Variants in LRRK1 observed in about 807,000 individuals in gnomAD.
LRRK1 encodes leucine rich repeat kinase 1, also known as leucine-rich repeat serine/threonine-protein kinase 1.
Under a neutral mutation model 209.1 loss-of-function variants are expected in LRRK1, and 113 were observed. The observed-to-expected ratio is 0.54, with a 90% CI of 0.46 to 0.63. The LOEUF (loss-of-function observed/expected upper bound fraction) is 0.63, where lower values mean the gene tolerates loss of function less well. LRRK1 is among the 30% of genes least tolerant of loss of function. LRRK1 has a pLI of 0.00. For missense variants in LRRK1, 2,284 were observed against 2,632.2 expected (o/e 0.87, Z 2.89); for synonymous variants, 1,144 against 1,099.7 (o/e 1.04, Z -0.80).
Position 101,074,815 on chromosome 15 carries a change from T to A in LRRK1, c.*5967T>A, listed in dbSNP as rs541120734. On this transcript the variant is annotated 3_prime_UTR_variant, in exon 34 of 34. Coordinates refer to ENST00000388948, the MANE Select transcript of LRRK1 (RefSeq NM_024652.6). The stretch of plus-strand genomic sequence containing the variant: ...TCCTCCCCCAGGAGCTTGCTACAAG[T>A]GCCAGAAATCTGGCCACCAGGCCAA... 2.0e-5 allele frequency: 3 copies of A among 152,206 alleles called. No individual in the cohort carries two copies. Among genetic ancestry groups the A allele is most frequent in the South Asian group, 4.1e-4 (2 of 4,822 alleles). 9.4% of individuals were successfully genotyped at this position (152,206 alleles called of 1,614,324 possible). A position where few individuals can be genotyped will look rare whatever the true frequency, so the allele number is the denominator to read the frequency against.
chr15:100,989,139 A>G, intron 5 of LRRK1, 111 bp from the exon 6 acceptor site: 1 of 961,552 alleles, frequency 1.0e-6, no homozygotes, highest in Non-Finnish European at 1.6e-6. Context: ...AGAGAAGTCC[A>G]ACATGCACAA....
chr15:101,003,698 C>T (rs1305963666), intron 6 of LRRK1, among the ~76,000 whole-genome samples: 1 of 152,208 alleles, frequency 6.6e-6, no homozygotes, highest in Non-Finnish European at 1.5e-5. Flanking sequence ...TTATCTTCCA[C>T]CAGGTGCCTC....
At chr15:100,942,057 T>G (rs971095805) in intron 2 of LRRK1, among the ~76,000 whole-genome samples, 10 of 152,208 alleles carry the variant, frequency 6.6e-5, no homozygotes, top group African/African-American at 2.4e-4. Context: ...TGTTGATATT[T>G]GTAATAATTT....
intron 6 of LRRK1, 63 bp from the exon 7 acceptor site, chr15:101,008,774 C>G: frequency 7.8e-7 from 1 of 1,288,362 alleles, no homozygotes; most frequent in East Asian, 2.3e-5. Flanking sequence ...TTGCTTTATT[C>G]CAAGCCCATG....
At chr15:100,960,078 C>T (rs1394059839) in intron 2 of LRRK1, among the ~76,000 whole-genome samples, 1 of 152,064 alleles carries the variant, frequency 6.6e-6, no homozygotes, top group South Asian at 2.1e-4. Flanking sequence ...AGAGAAATAA[C>T]TGGAAAATAG....
intron 10 of LRRK1, 126 bp from the exon 11 acceptor site, chr15:101,014,190 C>T: frequency 4.3e-6 from 3 of 693,510 alleles, no homozygotes; most frequent in Middle Eastern, 2.6e-4. Flanking sequence ...CTGGGATCTG[C>T]GTGAAGGAAA....
intron 2 of LRRK1, among the ~76,000 whole-genome samples, chr15:100,941,456 C>CTGTGTGTGTG (rs1567191180): frequency 0.31 from 1,697 of 5,552 alleles, 174 homozygotes; most frequent in African/African-American, 0.42. Flanking sequence ...CTGTGTGTGT[C>CTGTGTGTGTG]TATGTCTCTG....
At chr15:101,061,118 G>C in intron 29 of LRRK1, 53 bp from the exon 30 acceptor site, 1 of 1,376,466 alleles carries the variant, frequency 7.3e-7, no homozygotes, top group Non-Finnish European at 1.0e-6. Context: ...CTCAGGGAAA[G>C]GAGGCAGCCC....
At chr15:101,048,917 C>T (rs575738141) in intron 22 of LRRK1, among the ~76,000 whole-genome samples, 2 of 152,242 alleles carry the variant, frequency 1.3e-5, no homozygotes, top group South Asian at 2.1e-4. Flanking sequence ...ACTTGAGGGA[C>T]GTGGCGGCCA....
Position 101,061,334 on chromosome 15 carries a change from CT to C in LRRK1, c.4797+47del, listed in dbSNP as rs764735839. 171 of 1,354,670 alleles carry C rather than the reference CT, an allele frequency of 1.3e-4. 1 individual carries two copies. In the African/African-American group the frequency reaches 2.4e-3, roughly 19 times the overall value. 83.9% of individuals were successfully genotyped at this position (1,354,670 alleles called of 1,614,324 possible). A position where few individuals can be genotyped will look rare whatever the true frequency, so the allele number is the denominator to read the frequency against. On this transcript the variant is annotated intron_variant, in intron 30 of 33. Coordinates refer to ENST00000388948, the MANE Select transcript of LRRK1 (RefSeq NM_024652.6). ...TGCCCACCGAGGTAAGCACTGCCCA[CT>C]GGGTGCAGCCCTGGGTGGGGGCCAC...
At chr15:101,047,711 G>A (rs552608950) in intron 21 of LRRK1, among the ~76,000 whole-genome samples, 33 of 152,294 alleles carry the variant, frequency 2.2e-4, no homozygotes, top group Non-Finnish European at 3.5e-4. Context: ...GAGCGGCCCC[G>A]CGCACACTGG....
rs1374947913 is a variant in LRRK1 at position 101,075,965 on chromosome 15, C to T, written c.*7117C>T. 3 of 152,236 alleles carry T rather than the reference C, an allele frequency of 2.0e-5. No homozygotes were observed. Among genetic ancestry groups the T allele is most frequent in the Admixed American group, 6.5e-5 (1 of 15,272 alleles). 9.4% of individuals were successfully genotyped at this position (152,236 alleles called of 1,614,324 possible). ...CCCAAATTTTTTCCCTATCTGTTAC[C>T]TATCTCAGCATAATTCTCATAAAGA... On this transcript the variant is annotated 3_prime_UTR_variant, in exon 34 of 34. Coordinates refer to ENST00000388948, the MANE Select transcript of LRRK1 (RefSeq NM_024652.6).
At chr15:101,042,302 A>T (rs1252822083) in intron 20 of LRRK1, among the ~76,000 whole-genome samples, 1 of 128,516 alleles carries the variant, frequency 7.8e-6, no homozygotes, top group Non-Finnish European at 1.6e-5. Flanking sequence ...TCGATGTAGA[A>T]TTCTGGGTCA....
chr15:100,983,614 C>G lies in LRRK1; in HGVS notation c.348C>G (p.Thr116=), dbSNP rs762196892. ...GCAAGAGACTGGTGGAGCTGCCCAC[C>G]GAGCCCACGGATGACAACCCAGCCG... ...LLSKRLVELP[T]EPTDDNPAVV... Residue 116 remains threonine (T), a synonymous_variant, in exon 4 of 34, where the codon ACC becomes ACG. Coordinates refer to ENST00000388948, the MANE Select transcript of LRRK1 (RefSeq NM_024652.6). 1.7e-5 allele frequency: 27 copies of G among 1,610,654 alleles called. No homozygotes were observed. The highest frequency in any genetic ancestry group is 2.1e-5 in the Non-Finnish European group (25 of 1,177,610).
intron 20 of LRRK1, among the ~76,000 whole-genome samples, chr15:101,038,314 C>T (rs2034581391): frequency 6.6e-6 from 1 of 152,164 alleles, no homozygotes; most frequent in Admixed American, 6.5e-5. Flanking sequence ...GAAATCACCA[C>T]TGAAGAACTT....
At chr15:100,953,722 G>T (rs12910837) in intron 2 of LRRK1, among the ~76,000 whole-genome samples, 28,048 of 151,852 alleles carry the variant, frequency 0.18, 2,694 homozygotes, top group African/African-American at 0.21. Flanking sequence ...CTGAATCATA[G>T]GGTAGTTCTA....
intron 31 of LRRK1, among the ~76,000 whole-genome samples, chr15:101,063,668 T>TACAAAAC (rs3034629): frequency 0.27 from 41,248 of 151,836 alleles, 6,043 homozygotes; most frequent in Middle Eastern, 0.34. Flanking sequence ...TTTGCCCATC[T>TACAAAAC]ACAAAACAGG....
chr15:101,011,471 T>A, intron 9 of LRRK1, among the ~76,000 whole-genome samples: 1 of 136,952 alleles, frequency 7.3e-6, no homozygotes, highest in Non-Finnish European at 1.5e-5. Flanking sequence ...CAAGACTCTG[T>A]CTCAAAAAAA....
intron 2 of LRRK1, among the ~76,000 whole-genome samples, chr15:100,961,764 T>TGG (rs1361264938): frequency 6.6e-6 from 1 of 151,018 alleles, no homozygotes; most frequent in Non-Finnish European, 1.5e-5. Flanking sequence ...GGGAGCTGGG[T>TGG]GGGGGAAGTT....
Sources: gnomAD v4.1 joint callset for allele counts (sites outside exome capture counted in the v4.1 genomes callset) on GRCh38, gnomAD v4.1.1 for gene constraint, MANE v1.5 for transcripts, NCBI Gene and HGNC (gene_info 2026-07-23, HGNC 2026-07-21) for gene names.